The following METTL15 variants were observed in gnomAD, a reference collection of about 807,000 sequenced individuals.
METTL15 encodes the protein 12S rRNA N(4)-cytidine methyltransferase METTL15.
In METTL15, 34 loss-of-function variants were observed where a neutral mutation model predicts 38.3. That is an observed-to-expected ratio of 0.89 (90% confidence interval 0.68 to 1.18). The LOEUF (loss-of-function observed/expected upper bound fraction) is 1.18. Ranked by LOEUF, METTL15 falls within the 50% of genes most tolerant of loss-of-function variation. METTL15 has a pLI of 0.00. For missense variants in METTL15, 438 were observed against 498.4 expected (o/e 0.88, Z 1.15); for synonymous variants, 162 against 170.9 (o/e 0.95, Z 0.41).
intron 3 of METTL15, 146 bp downstream of exon 3, chr11:28,113,750 C>T: frequency 2.5e-6 from 2 of 808,826 alleles, no homozygotes; most frequent in South Asian, 4.2e-5. Flanking sequence ...AAGTGATACA[C>T]ATTCAGTAGA....
Position 28,113,588 on chromosome 11 carries a change from CA to C in METTL15, c.255del (p.Pro86HisfsTer8), listed in dbSNP as rs767638964. 1 of 1,608,392 alleles carries C rather than the reference CA, an allele frequency of 6.2e-7. No individual in the cohort carries two copies. Among genetic ancestry groups the C allele is most frequent in the African/African-American group, 1.3e-5 (1 of 74,576 alleles). On this transcript the variant is annotated frameshift_variant, in exon 3 of 7. Coordinates refer to ENST00000407364, the MANE Select transcript of METTL15 (RefSeq NM_001113528.2). LOFTEE classifies it high-confidence loss of function. ...GTGGATGAAGTTGTTCATTGTTTGT[CA>C]CCACAAAAAGGACAGGTGAGTTGAA... ...VMVDEVVHCL[S>X]PQKGQIFLDM...
chr11:28,135,180 T>G (rs1849474854), intron 3 of METTL15, among the ~76,000 whole-genome samples: 1 of 152,244 alleles, frequency 6.6e-6, no homozygotes, highest in Non-Finnish European at 1.5e-5. Context: ...CTTTCTTCAG[T>G]CCTCATTTTT....
chr11:28,267,587 G>A (rs992041197), intron 4 of METTL15, among the ~76,000 whole-genome samples: 24 of 152,162 alleles, frequency 1.6e-4, no homozygotes, highest in Non-Finnish European at 1.5e-5. Flanking sequence ...CTCCATGAGG[G>A]TAGAACTCTG....
intron 6 of METTL15, among the ~76,000 whole-genome samples, chr11:28,315,950 G>T (rs140649893): frequency 1.9e-3 from 297 of 152,352 alleles, no homozygotes; most frequent in Middle Eastern, 6.8e-3. Context: ...ACACCTGCAT[G>T]CCCAGGCAGA....
intron 3 of METTL15, among the ~76,000 whole-genome samples, chr11:28,117,858 C>T (rs1444224469): frequency 6.6e-6 from 1 of 152,158 alleles, no homozygotes; most frequent in East Asian, 1.9e-4. Context: ...TTATTTGCTT[C>T]TCTTCTTCCT....
chr11:28,197,130 G>T (rs559292617), intron 3 of METTL15, among the ~76,000 whole-genome samples: 1 of 151,730 alleles, frequency 6.6e-6, no homozygotes, highest in Non-Finnish European at 1.5e-5. Context: ...TTTAAGAAAC[G>T]CAGCATAGTT....
chr11:28,150,603 C>T (rs890992264), intron 3 of METTL15, among the ~76,000 whole-genome samples: 1 of 151,350 alleles, frequency 6.6e-6, no homozygotes, highest in African/African-American at 2.4e-5. Context: ...AAAAATCCCT[C>T]TCCTTTATAC....
chr11:28,332,475 T>C lies in METTL15; in HGVS notation c.*1634T>C, dbSNP rs1282524087. ...TTCACCCTGTATAGTATGGGAATTA[T>C]TTTTTATGTTAAATAGAAACTGAAT... On this transcript the variant is annotated 3_prime_UTR_variant, in exon 7 of 7. Transcript: ENST00000407364. 1 of 151,846 alleles carries C rather than the reference T, an allele frequency of 6.6e-6. No homozygotes were observed. The highest frequency in any genetic ancestry group is 1.9e-4 in the East Asian group (1 of 5,196). 9.4% of individuals were successfully genotyped at this position (151,846 alleles called of 1,614,324 possible).
At chr11:28,215,486 C>G (rs1333869670) in intron 4 of METTL15, among the ~76,000 whole-genome samples, 1 of 151,856 alleles carries the variant, frequency 6.6e-6, no homozygotes, top group Non-Finnish European at 1.5e-5. Context: ...CAGAAGGTAA[C>G]TTTGCTTCTA....
intron 4 of METTL15, among the ~76,000 whole-genome samples, chr11:28,245,223 T>G (rs1854462014): frequency 6.6e-6 from 1 of 152,192 alleles, no homozygotes; most frequent in South Asian, 2.1e-4. Context: ...GGATAATTAC[T>G]TAATCTCCAT....
At chr11:28,234,909 G>C (rs1481476209) in intron 4 of METTL15, among the ~76,000 whole-genome samples, 2 of 148,012 alleles carry the variant, frequency 1.4e-5, no homozygotes, top group Admixed American at 6.7e-5. Context: ...GTAATGCCTA[G>C]GTTTTCTTCT....
At chr11:28,447,383 T>A (rs543761204) in intron 6 of METTL15, among the ~76,000 whole-genome samples, 1 of 152,282 alleles carries the variant, frequency 6.6e-6, no homozygotes, top group East Asian at 1.9e-4. Flanking sequence ...AACCACTCAA[T>A]GAACAGGGCT....
intron 1 of METTL15, among the ~76,000 whole-genome samples, chr11:28,108,770 A>C (rs1306689487): frequency 6.6e-6 from 1 of 152,186 alleles, no homozygotes; most frequent in Non-Finnish European, 1.5e-5. Context: ...TTCTCTGTCT[A>C]ATGATGGCAT....
chr11:28,272,175 C>G (rs1185957344), intron 4 of METTL15, among the ~76,000 whole-genome samples: 2 of 152,136 alleles, frequency 1.3e-5, no homozygotes, highest in Non-Finnish European at 2.9e-5. Flanking sequence ...CCTCAAGGAT[C>G]TAGAACTAGA....
intron 4 of METTL15, among the ~76,000 whole-genome samples, chr11:28,273,450 A>G (rs1441283588): frequency 6.6e-6 from 1 of 152,068 alleles, no homozygotes; most frequent in South Asian, 2.1e-4. Context: ...CTACAAGGTA[A>G]TGTAGGGTTT....
At chr11:28,503,775 A>G (rs1851603936) in intron 6 of METTL15, among the ~76,000 whole-genome samples, 1 of 152,082 alleles carries the variant, frequency 6.6e-6, no homozygotes, top group Non-Finnish European at 1.5e-5. Context: ...TGGGCAACAG[A>G]ACAAGGCTCC....
intron 6 of METTL15, among the ~76,000 whole-genome samples, chr11:28,444,044 T>A (rs1243138688): frequency 6.6e-6 from 1 of 152,216 alleles, no homozygotes; most frequent in Non-Finnish European, 1.5e-5. Flanking sequence ...AAACATAATT[T>A]TCAATGGCTC....
At position 28,290,471 on chromosome 11, in the gene METTL15, TA is replaced by T. The variant is rs1045196610; in HGVS notation, c.599+76del. 5.7e-6 allele frequency: 8 copies of T among 1,412,030 alleles called. No individual in the cohort carries two copies. In the African/African-American group the frequency reaches 1.1e-4, roughly 20 times the overall value. 87.5% of individuals were successfully genotyped at this position (1,412,030 alleles called of 1,614,324 possible). ...AAAAACACTCTGAATTTAATTTTTT[TA>T]AGACTACAGAATTTCCATTACATGC... On this transcript the variant is annotated intron_variant, in intron 5 of 6. Coordinates refer to ENST00000407364, the MANE Select transcript of METTL15 (RefSeq NM_001113528.2).
chr11:28,282,772 C>A (rs890284497), intron 4 of METTL15, among the ~76,000 whole-genome samples: 4 of 152,126 alleles, frequency 2.6e-5, no homozygotes, highest in Admixed American at 2.6e-4. Flanking sequence ...TTTACCCCAA[C>A]CAGCTTCCCA....
Sources: gnomAD v4.1 joint callset for allele counts (sites outside exome capture counted in the v4.1 genomes callset) on GRCh38, gnomAD v4.1.1 for gene constraint, MANE v1.5 for transcripts, NCBI Gene and HGNC (gene_info 2026-07-23, HGNC 2026-07-21) for gene names.